CIT: variants seen among roughly 807,000 people sequenced by gnomAD.
CIT encodes the protein citron rho-interacting serine/threonine kinase.
In CIT, 79 loss-of-function variants were observed where a neutral mutation model predicts 272.7. The ratio of observed to expected loss-of-function variants is 0.29; its 90% confidence interval spans 0.24 to 0.35. The LOEUF is 0.35. Among genes scored for constraint, CIT ranks in the 10% least tolerant of loss-of-function variants. CIT has a pLI of 1.00. For missense variants in CIT, 1,909 were observed against 2,618.3 expected (o/e 0.73, Z 5.91); for synonymous variants, 948 against 995.6 (o/e 0.95, Z 0.90).
chr12:119,815,072 G>T, intron 9 of CIT, among the ~76,000 whole-genome samples: 1 of 133,574 alleles, frequency 7.5e-6, no homozygotes, highest in Non-Finnish European at 1.6e-5. Context: ...AAACGAATAT[G>T]TGCGTGCTCA....
chr12:119,827,664 C>G (rs1056800537), intron 7 of CIT, among the ~76,000 whole-genome samples: 1 of 152,116 alleles, frequency 6.6e-6, no homozygotes, highest in Non-Finnish European at 1.5e-5. Flanking sequence ...GTCTCGATCT[C>G]TTGACCTCGT....
chr12:119,698,240 ACAG>A (rs1036770666), intron 44 of CIT, 186 bp from the exon 45 acceptor site: 1 of 629,892 alleles, frequency 1.6e-6, no homozygotes, highest in African/African-American at 1.8e-5. Flanking sequence ...GTGGTTTGTT[ACAG>A]CAGAAGATGG....
chr12:119,784,559 G>A lies in CIT; in HGVS notation c.1401+401C>T. 8.5e-7 allele frequency: 1 copy of A among 1,174,940 alleles called. No homozygotes were observed. Among genetic ancestry groups the A allele is most frequent in the Non-Finnish European group, 1.1e-6 (1 of 940,928 alleles). The allele number at this position is 1,174,940 out of a possible 1,614,324, so 72.8% of individuals were successfully genotyped here. A position where few individuals can be genotyped will look rare whatever the true frequency, so the allele number is the denominator to read the frequency against. The stretch of plus-strand genomic sequence containing the variant: ...AACAGTGAATGTTAAGAGACGTTGA[G>A]CGTAATCAACACAGTGGCCGCAGTG... On this transcript the variant is annotated intron_variant, in intron 11 of 47. Transcript: ENST00000392521. This position sits in a 1 kb window ranked among gnomAD's most constrained non-coding sequence, Gnocchi z 4.7.
intron 5 of CIT, 78 bp from the exon 6 acceptor site, chr12:119,834,306 C>T (rs1476368559): frequency 7.7e-7 from 1 of 1,293,246 alleles, no homozygotes; most frequent in Admixed American, 2.3e-5. Context: ...TCGAATATCA[C>T]CTGACGTGTT....
chr12:119,744,714 CAAA>C (rs33990797), intron 23 of CIT, among the ~76,000 whole-genome samples: 2 of 103,534 alleles, frequency 1.9e-5, no homozygotes, highest in Non-Finnish European at 1.8e-5. Context: ...GACTCCGCCT[CAAA>C]AAAAAAAAAA....
At chr12:119,841,584 G>T (rs1005882458) in intron 5 of CIT, among the ~76,000 whole-genome samples, 1 of 152,140 alleles carries the variant, frequency 6.6e-6, no homozygotes, top group Admixed American at 6.5e-5. Flanking sequence ...CCACACAGCC[G>T]ACAGTAAATT....
At chr12:119,796,581 T>C (rs1355758995) in intron 10 of CIT, among the ~76,000 whole-genome samples, 2 of 152,118 alleles carry the variant, frequency 1.3e-5, no homozygotes, top group African/African-American at 4.8e-5. Context: ...GGTCTGTCTA[T>C]GTAGGAAGGG....
intron 24 of CIT, among the ~76,000 whole-genome samples, chr12:119,739,622 G>A (rs571472026): frequency 6.6e-6 from 1 of 152,268 alleles, no homozygotes; most frequent in South Asian, 2.1e-4. Flanking sequence ...TAGCAGCAGA[G>A]CCATTTTCCA....
At chr12:119,859,455 C>T (rs1950268011) in intron 3 of CIT, among the ~76,000 whole-genome samples, 1 of 152,150 alleles carries the variant, frequency 6.6e-6, no homozygotes, top group Non-Finnish European at 1.5e-5. Flanking sequence ...TTTCATACCA[C>T]AGTCAGTGAG....
Position 119,804,411 on chromosome 12 carries a change from T to C in CIT, c.1112-1022A>G, listed in dbSNP as rs1221181628. ...ATCCCCCGCAGTGCAGGCTGCATGC[T>C]CCCGGCTCCGTGCGTGCGTGCTCTG... On this transcript the variant is annotated intron_variant, in intron 9 of 47. Coordinates refer to ENST00000392521, the MANE Select transcript of CIT (RefSeq NM_001206999.2). This position sits in a 1 kb window ranked among gnomAD's most constrained non-coding sequence, Gnocchi z 5.3. 2.0e-6 allele frequency: 2 copies of C among 985,576 alleles called. No homozygotes were observed. The highest frequency in any genetic ancestry group is 2.4e-6 in the Non-Finnish European group (2 of 830,172). 61.1% of individuals were successfully genotyped at this position (985,576 alleles called of 1,614,324 possible). A position where few individuals can be genotyped will look rare whatever the true frequency, so the allele number is the denominator to read the frequency against.
At position 119,832,772 on chromosome 12, in the gene CIT, A is replaced by T; in HGVS notation, c.752T>A (p.Met251Lys). The change falls in exon 7 of 48, where the codon ATG (methionine) becomes AAG (lysine). Residue 251 changes from methionine to lysine, a missense_variant and splice_region_variant. By Grantham distance (95) the Met-to-Lys change is moderately conservative. This residue lies in a region of CIT where 529 missense variants were observed against 549.6 expected (regional missense o/e 0.96). Transcript: ENST00000392521. Reference protein sequence around the residue: ...GSAAKMNSNKMVNAKLPIGTP... With the variant: ...GSAAKMNSNKKVNAKLPIGTP... ...AAGCTATCTTATTCCATTTTTTACC[A>T]TCTTGTTTGAATTCATTTTCGCGGC... 1.2e-6 allele frequency: 2 copies of T among 1,611,602 alleles called. No individual in the cohort carries two copies. The highest frequency in any genetic ancestry group is 2.2e-5 in the South Asian group (2 of 91,042).
At chr12:119,702,708 GA>G (rs1309020609) in intron 41 of CIT, among the ~76,000 whole-genome samples, 2 of 151,280 alleles carry the variant, frequency 1.3e-5, no homozygotes, top group East Asian at 3.9e-4. Context: ...AGAAAGAAAA[GA>G]AAGAAACAGC....
At chr12:119,762,476 A>G (rs1243305927) in intron 19 of CIT, among the ~76,000 whole-genome samples, 1 of 152,170 alleles carries the variant, frequency 6.6e-6, no homozygotes, top group Admixed American at 6.5e-5. Context: ...GCTAAAAAGA[A>G]ATGGTTTCAT....
intron 7 of CIT, among the ~76,000 whole-genome samples, chr12:119,827,005 T>C (rs978287482): frequency 6.6e-6 from 1 of 152,152 alleles, no homozygotes; most frequent in African/African-American, 2.4e-5. Flanking sequence ...GAAACAGACC[T>C]ATTCTTCCCT....
chr12:119,707,027 T>C (rs1458803407), intron 40 of CIT, among the ~76,000 whole-genome samples: 1 of 150,634 alleles, frequency 6.6e-6, no homozygotes, highest in Non-Finnish European at 1.5e-5. Flanking sequence ...AAGCTACAAA[T>C]GAATTAACTT....
At chr12:119,809,850 A>G (rs1966795238) in intron 9 of CIT, among the ~76,000 whole-genome samples, 1 of 152,234 alleles carries the variant, frequency 6.6e-6, no homozygotes, top group African/African-American at 2.4e-5. Flanking sequence ...GTTGTTGATC[A>G]TGCCTATCCA....
rs189379080 is a variant in CIT at position 119,694,533 on chromosome 12, G to A, written c.5882+3126C>T. Among the ~76,000 whole-genome samples the A allele has an allele frequency of 5.8e-4, 89 of 152,318 alleles. No homozygotes were observed. The highest frequency in any genetic ancestry group is 1.9e-3 in the African/African-American group (78 of 41,568). ...TAAAAAGGAGGGGTGGTTGCGTGTA[G>A]TGGCTCACACCTGTAATCCCAGCAC... On this transcript the variant is annotated intron_variant, in intron 46 of 47. Transcript: ENST00000392521. This position sits in a 1 kb window ranked among gnomAD's most constrained non-coding sequence, Gnocchi z 4.5.
intron 44 of CIT, 88 bp from the exon 45 acceptor site, chr12:119,698,142 C>G (rs1246054122): frequency 8.5e-7 from 1 of 1,181,022 alleles, no homozygotes; most frequent in African/African-American, 1.5e-5. Flanking sequence ...ATTCTTTGAC[C>G]CAGCAATCCT....
intron 5 of CIT, among the ~76,000 whole-genome samples, chr12:119,839,578 C>A (rs1969262843): frequency 6.6e-6 from 1 of 152,144 alleles, no homozygotes; most frequent in South Asian, 2.1e-4. Flanking sequence ...CTGTTATTTT[C>A]TTCTTGGTCA....
Sources: allele counts gnomAD v4.1 joint callset (sites outside exome capture counted in the v4.1 genomes callset), GRCh38; gene constraint gnomAD v4.1.1; regional missense constraint gnomAD v4.1.1; non-coding constraint Gnocchi (gnomAD v3.1); transcripts MANE v1.5; gene names NCBI Gene and HGNC (gene_info 2026-07-23, HGNC 2026-07-21).